The following ATG4A variants were observed in gnomAD, a reference collection of about 807,000 sequenced individuals.
The protein encoded by ATG4A is cysteine protease ATG4A.
Under a neutral mutation model 38.4 loss-of-function variants are expected in ATG4A, and 22 were observed. The ratio of observed to expected loss-of-function variants is 0.57; its 90% confidence interval spans 0.41 to 0.82. ATG4A has a LOEUF of 0.82. ATG4A is among the 40% of genes least tolerant of loss of function. The pLI is 0.00. For synonymous variants in ATG4A, 86 were observed against 100.7 expected, an observed-to-expected ratio of 0.85 and a Z score of 0.88; for missense variants, 220 against 290.0, an observed-to-expected ratio of 0.76 and a Z score of 1.75.
At chrX:108,152,924 C>CA (rs2033623130) in intron 11 of ATG4A, 55 bp from the exon 12 acceptor site, 3 of 954,774 alleles carry the variant, frequency 3.1e-6, no homozygotes, top group Middle Eastern at 2.7e-4. Context: ...CAAAGATTGC[C>CA]AATTAGAAAT....
At chrX:108,090,190 C>T (rs1365009339), upstream of ATG4A, among the ~76,000 whole-genome samples, 1 of 112,182 alleles carries the variant, frequency 8.9e-6, no homozygotes, top group Non-Finnish European at 1.9e-5. Flanking sequence ...CATTATTACA[C>T]TTACTAAAAT....
At chrX:108,134,287 C>T in intron 5 of ATG4A, 52 bp from the exon 6 acceptor site, 1 of 1,176,172 alleles carries the variant, frequency 8.5e-7, no homozygotes, top group South Asian at 1.9e-5. Flanking sequence ...GATTTTGTGG[C>T]TTATTGGAAG....
intron 10 of ATG4A, among the ~76,000 whole-genome samples, chrX:108,150,603 C>T (rs1249768386): frequency 8.9e-6 from 1 of 112,885 alleles, no homozygotes; most frequent in Admixed American, 9.3e-5. Context: ...CTGGGGAGGA[C>T]TCCCAATCAT....
At chrX:108,114,954 A>C (rs2147980742) in intron 1 of ATG4A, among the ~76,000 whole-genome samples, 1 of 112,134 alleles carries the variant, frequency 8.9e-6, no homozygotes, top group Non-Finnish European at 1.9e-5. Context: ...AAGAACAATT[A>C]ATGAATTTAT....
At chrX:108,152,797 A>G (rs1217213227) in intron 11 of ATG4A, among the ~76,000 whole-genome samples, 182 bp from the exon 12 acceptor site, 2 of 111,273 alleles carry the variant, frequency 1.8e-5, no homozygotes, top group Non-Finnish European at 3.8e-5. Context: ...CTGGCTAAAC[A>G]GTATCTAGAA....
In ATG4A at chrX:108,137,889, G is replaced by C; in HGVS notation, c.633G>C (p.Lys211Asn). ...CTTTAACTGCTTCAAACCAGAGTAA[G>C]GGCACCTCTGCCTACTGCTCAGCCT... is the stretch of plus-strand genomic sequence containing the variant. ...PDSLTASNQS[K>N]GTSAYCSAWK... The change falls in exon 8 of 13, where the codon AAG becomes AAC. Residue 211 changes from lysine (K) to asparagine (N), a missense_variant. Transcript: ENST00000372232. 1 of 1,207,725 alleles carries C rather than the reference G, an allele frequency of 8.3e-7. No individual in the cohort carries two copies. The highest frequency in any genetic ancestry group is 1.1e-6 in the Non-Finnish European group (1 of 893,913).
chrX:108,100,462 G>A (rs975111550), intron 1 of ATG4A, among the ~76,000 whole-genome samples: 2 of 110,866 alleles, frequency 1.8e-5, no homozygotes, highest in Non-Finnish European at 3.8e-5. Context: ...TCCACTCTGT[G>A]TTTTATGTTG....
chrX:108,138,257 A>C (rs1475996630), intron 9 of ATG4A, 66 bp downstream of exon 9: 1 of 998,895 alleles, frequency 1.0e-6, no homozygotes, highest in Non-Finnish European at 1.4e-6. Flanking sequence ...CAAGGTTTGC[A>C]TGGGAGACCA....
chrX:108,101,288 T>C (rs2068475923), intron 1 of ATG4A, among the ~76,000 whole-genome samples: 2 of 110,177 alleles, frequency 1.8e-5, no homozygotes, highest in African/African-American at 3.3e-5. Context: ...ATCTTTTTTA[T>C]TTGTCAGTTT....
Position 108,153,016 on chromosome X carries a change from T to A in ATG4A, c.1055T>A (p.Val352Asp). The A allele has an allele frequency of 1.7e-6, 2 of 1,210,646 alleles. No individual in the cohort carries two copies. Among genetic ancestry groups the A allele is most frequent in the Non-Finnish European group, 2.2e-6 (2 of 894,493 alleles). Reference sequence around the variant, plus strand: ...GAGAATTTAAGGATGTTTGAATTAGTTCAGAAACATCCATCACACTGGCCT... The same window carrying A: ...GAGAATTTAAGGATGTTTGAATTAGATCAGAAACATCCATCACACTGGCCT... ...LKENLRMFELVQKHPSHWPPF... is the reference protein window; with the variant it reads ...LKENLRMFELDQKHPSHWPPF... The change falls in exon 12 of 13, where the codon GTT becomes GAT. Residue 352 changes from valine (V) to aspartate (D), a missense_variant. Around this residue, in one of 3 missense-constraint regions of ATG4A, gnomAD observed 159 missense variants for 188.9 expected, o/e 0.84. Coordinates refer to ENST00000372232, the MANE Select transcript of ATG4A (RefSeq NM_052936.5).
At chrX:108,133,799 G>A (rs915662885) in intron 4 of ATG4A, among the ~76,000 whole-genome samples, 2 of 112,021 alleles carry the variant, frequency 1.8e-5, no homozygotes, top group Non-Finnish European at 3.8e-5. Flanking sequence ...TCCAGCTCCA[G>A]CCCTTGGGTT....
At position 108,150,248 on chromosome X, in the gene ATG4A, A is replaced by G. The variant is rs777840695; in HGVS notation, c.911A>G (p.Gln304Arg). ...AATGACCAGACTTTCCATTGCCTGC[A>G]GTCCCCACAGCGAATGAACATCCTA... ...TVNDQTFHCL[Q>R]SPQRMNILNL... Residue 304 changes from glutamine (Q) to arginine (R), a missense_variant, in exon 10 of 13, where the codon CAG becomes CGG. Physicochemically the swap from Gln to Arg is conservative, Grantham distance 43. This residue lies in a region of ATG4A where 159 missense variants were observed against 188.9 expected (regional missense o/e 0.84). Coordinates refer to ENST00000372232, the MANE Select transcript of ATG4A (RefSeq NM_052936.5). 4.1e-6 allele frequency: 5 copies of G among 1,212,226 alleles called. No individual in the cohort carries two copies. The highest frequency in any genetic ancestry group is 5.6e-6 in the Non-Finnish European group (5 of 895,601).
intron 1 of ATG4A, among the ~76,000 whole-genome samples, chrX:108,117,772 T>C (rs779129046): frequency 8.9e-6 from 1 of 112,490 alleles, no homozygotes; most frequent in East Asian, 2.8e-4. Context: ...TAAATCATTA[T>C]TAACTAATTA....
intron 3 of ATG4A, among the ~76,000 whole-genome samples, chrX:108,129,573 T>C (rs1032136350): frequency 1.6e-4 from 17 of 104,673 alleles, no homozygotes; most frequent in East Asian, 5.9e-4. Context: ...TTCTTTCTTT[T>C]TTTTTTTTTT....
chrX:108,108,971 G>C (rs780282557), intron 1 of ATG4A, among the ~76,000 whole-genome samples: 1 of 111,974 alleles, frequency 8.9e-6, no homozygotes, highest in East Asian at 2.8e-4. Flanking sequence ...TATGAGCATG[G>C]GTGTGCAAAT....
intron 9 of ATG4A, among the ~76,000 whole-genome samples, chrX:108,145,921 A>G (rs112992569): frequency 2.7e-5 from 3 of 111,581 alleles, no homozygotes; most frequent in African/African-American, 9.8e-5. Flanking sequence ...TAATTACCTG[A>G]CTTACATAAG....
At chrX:108,132,659 A>G (rs2032991448) in intron 4 of ATG4A, among the ~76,000 whole-genome samples, 1 of 108,758 alleles carries the variant, frequency 9.2e-6, no homozygotes, top group Non-Finnish European at 1.9e-5. Flanking sequence ...AGATATTCCA[A>G]CTCCTTGTCC....
Position 108,149,983 on chromosome X carries a change from C to T in ATG4A, c.815-169C>T, listed in dbSNP as rs974870943. 5.8e-5 allele frequency: 28 copies of T among 482,025 alleles called. No individual in the cohort carries two copies. The East Asian group carries it at 8.8e-4, about 15-fold the overall frequency. The allele number at this position is 482,025 out of a possible 1,213,427, so 39.7% of individuals were successfully genotyped here. On this transcript the variant is annotated intron_variant, in intron 9 of 12. Transcript: ENST00000372232. ...TTCTCATTGAATGATAAGATTTGGG[C>T]GCAAGTGGCTTCCTTTAAGCATGCT...
chrX:108,126,889 T>G (rs143763503), intron 2 of ATG4A: 2 of 580,880 alleles, frequency 3.4e-6, no homozygotes, highest in East Asian at 1.7e-4. Flanking sequence ...ATTTGTGTCT[T>G]TCTGAGGAGA....
Sources: allele counts gnomAD v4.1 joint callset (sites outside exome capture counted in the v4.1 genomes callset), GRCh38; gene constraint gnomAD v4.1.1; regional missense constraint gnomAD v4.1.1; transcripts MANE v1.5; gene names NCBI Gene and HGNC (gene_info 2026-07-23, HGNC 2026-07-21).